The following SLC35F3 variants were observed in gnomAD, a reference collection of about 807,000 sequenced individuals.
SLC35F3 encodes the protein putative thiamine transporter SLC35F3.
SLC35F3 carries 25 observed loss-of-function variants against 49.9 expected under a neutral mutation model. The ratio of observed to expected loss-of-function variants is 0.50; its 90% CI spans 0.37 to 0.70. The LOEUF is 0.70. Ranked by LOEUF, SLC35F3 falls within the 30% of genes least tolerant of loss-of-function variation. The probability of loss-of-function intolerance (pLI) is 0.00; values close to 1 mark genes in which losing one functional copy is unlikely to be tolerated. For missense variants in SLC35F3, 525 were observed against 639.8 expected (o/e 0.82, Z 1.94); for synonymous variants, 275 against 265.4 (o/e 1.04, Z -0.35).
intron 2 of SLC35F3, among the ~76,000 whole-genome samples, 162 bp downstream of exon 2, chr1:233,905,920 C>T (rs1448627247): frequency 2.0e-5 from 3 of 152,238 alleles, no homozygotes; most frequent in African/African-American, 7.2e-5. Flanking sequence ...GGCCCGGAGA[C>T]GGAGTTCTCC....
intron 2 of SLC35F3, among the ~76,000 whole-genome samples, chr1:234,056,817 T>C (rs1414204015): frequency 6.6e-6 from 1 of 152,196 alleles, no homozygotes; most frequent in Non-Finnish European, 1.5e-5. Context: ...TGGTCTTTGA[T>C]CCATTTTGAG....
chr1:234,186,527 C>T (rs966765075), intron 2 of SLC35F3, among the ~76,000 whole-genome samples: 4 of 152,012 alleles, frequency 2.6e-5, no homozygotes, highest in African/African-American at 9.7e-5. Context: ...GAATTCTTGC[C>T]CTAGGCCAAC....
intron 2 of SLC35F3, among the ~76,000 whole-genome samples, chr1:233,962,289 G>T (rs1662817528): frequency 6.6e-6 from 1 of 152,182 alleles, no homozygotes; most frequent in Non-Finnish European, 1.5e-5. Context: ...TCAAGAATGT[G>T]ATCTGATTTT....
chr1:234,063,265 C>A (rs1664571460), intron 2 of SLC35F3, among the ~76,000 whole-genome samples: 1 of 152,170 alleles, frequency 6.6e-6, no homozygotes, highest in Non-Finnish European at 1.5e-5. Flanking sequence ...GAAATTATCA[C>A]CAGACCAACT....
At chr1:234,290,860 T>C (rs2102985656) in intron 3 of SLC35F3, among the ~76,000 whole-genome samples, 1 of 152,294 alleles carries the variant, frequency 6.6e-6, no homozygotes, top group Non-Finnish European at 1.5e-5. Flanking sequence ...ACTTGAAAAG[T>C]GATATAACTC....
intron 2 of SLC35F3, among the ~76,000 whole-genome samples, chr1:233,922,483 G>A (rs1189602495): frequency 8.0e-6 from 1 of 125,008 alleles, no homozygotes; most frequent in Admixed American, 7.9e-5. Context: ...ACTTTTTGAT[G>A]GCCTTTTTTT....
chr1:234,203,232 T>TAA (rs1353175517), intron 2 of SLC35F3, among the ~76,000 whole-genome samples: 1 of 152,230 alleles, frequency 6.6e-6, no homozygotes, highest in Non-Finnish European at 1.5e-5. Context: ...ACAATGACAT[T>TAA]AAAAGCACAG....
intron 3 of SLC35F3, among the ~76,000 whole-genome samples, chr1:234,263,331 A>G (rs1667933263): frequency 1.3e-5 from 2 of 152,228 alleles, no homozygotes; most frequent in Non-Finnish European, 2.9e-5. Context: ...AGAATGTTAA[A>G]GGAGTACAGG....
At chr1:234,078,728 A>G (rs139881847) in intron 2 of SLC35F3, among the ~76,000 whole-genome samples, 106 of 152,296 alleles carry the variant, frequency 7.0e-4, no homozygotes, top group Admixed American at 2.0e-3. Flanking sequence ...GTCCTTTTCT[A>G]TGGCTAATTT....
intron 2 of SLC35F3, among the ~76,000 whole-genome samples, chr1:234,070,966 A>G (rs1418881117): frequency 6.6e-6 from 1 of 152,194 alleles, no homozygotes; most frequent in Non-Finnish European, 1.5e-5. Context: ...AGATGAGGAA[A>G]TAGATGCAGA....
chr1:233,996,921 C>T (rs1319657895), intron 2 of SLC35F3, among the ~76,000 whole-genome samples: 3 of 152,100 alleles, frequency 2.0e-5, no homozygotes, highest in African/African-American at 7.2e-5. Flanking sequence ...CTGTGACCCC[C>T]CACCCCTTAC....
chr1:234,322,251 C>T (rs749879164), intron 7 of SLC35F3, among the ~76,000 whole-genome samples: 4 of 151,394 alleles, frequency 2.6e-5, no homozygotes, highest in Non-Finnish European at 5.9e-5. Context: ...GGGGCACAAA[C>T]CCCTGAATAG....
chr1:234,032,573 G>A (rs1366466499), intron 2 of SLC35F3, among the ~76,000 whole-genome samples: 2 of 152,106 alleles, frequency 1.3e-5, no homozygotes, highest in Non-Finnish European at 2.9e-5. Flanking sequence ...TGTCCTCATA[G>A]ATTAGCTCCC....
chr1:234,125,613 G>A (rs1173956056), intron 2 of SLC35F3, among the ~76,000 whole-genome samples: 1 of 152,122 alleles, frequency 6.6e-6, no homozygotes, highest in East Asian at 1.9e-4. Context: ...TGACCGGTCC[G>A]GGCTTGTGCT....
chr1:233,989,208 C>T (rs1417170471), intron 2 of SLC35F3, among the ~76,000 whole-genome samples: 1 of 152,192 alleles, frequency 6.6e-6, no homozygotes, highest in East Asian at 1.9e-4. Context: ...TTAAATACAT[C>T]ACCCTTTGAT....
intron 2 of SLC35F3, among the ~76,000 whole-genome samples, chr1:233,948,808 C>T (rs967109169): frequency 2.7e-5 from 4 of 149,198 alleles, no homozygotes; most frequent in Non-Finnish European, 4.4e-5. Context: ...TGAGAATATG[C>T]GGTGTTTGGT....
At chr1:234,308,981 A>G (rs1657280252) in intron 3 of SLC35F3, 120 bp from the exon 4 acceptor site, 1 of 694,890 alleles carries the variant, frequency 1.4e-6, no homozygotes, top group Non-Finnish European at 2.4e-6. Flanking sequence ...TAAAAATAAT[A>G]AATTTTAAAA....
At chr1:234,108,762 AATATATATATCTTTTATATATAAAAGAT>A (rs1665349590) in intron 2 of SLC35F3, among the ~76,000 whole-genome samples, 1 of 78,370 alleles carries the variant, frequency 1.3e-5, no homozygotes. Context: ...GATATATATA[AATATATATATCTTTTATATATAAAAGAT>A]ATATATATTT....
At chr1:234,076,464 A>ATTT (rs113403039) in intron 2 of SLC35F3, among the ~76,000 whole-genome samples, 1 of 144,694 alleles carries the variant, frequency 6.9e-6, no homozygotes, top group South Asian at 2.2e-4. Context: ...CATCATAATA[A>ATTT]TTTTTTTTTT....
Sources: gnomAD v4.1 joint callset for allele counts (sites outside exome capture counted in the v4.1 genomes callset) on GRCh38, gnomAD v4.1.1 for gene constraint, MANE v1.5 for transcripts, NCBI Gene and HGNC (gene_info 2026-07-23, HGNC 2026-07-21) for gene names.